Variants in PCCA observed in about 807,000 individuals in gnomAD.
The protein encoded by PCCA is propionyl-CoA carboxylase subunit alpha.
PCCA carries 74 observed loss-of-function variants against 101.3 expected under a neutral mutation model. That is an observed-to-expected ratio of 0.73 (90% CI 0.61 to 0.89). PCCA has a LOEUF of 0.89. PCCA is among the 40% of genes least tolerant of loss of function. The pLI is 0.00. For missense variants in PCCA, 891 were observed against 907.0 expected, an observed-to-expected ratio of 0.98 and a Z score of 0.23; for synonymous variants, 294 against 313.6, an observed-to-expected ratio of 0.94 and a Z score of 0.66.
chr13:100,342,599 G>A (rs2071548512), intron 18 of PCCA, among the ~76,000 whole-genome samples: 1 of 151,896 alleles, frequency 6.6e-6, no homozygotes, highest in South Asian at 2.1e-4. Flanking sequence ...AGGGATGCTT[G>A]TGTGTAACTC....
At chr13:100,143,174 T>C (rs941115652) in intron 4 of PCCA, among the ~76,000 whole-genome samples, 6 of 152,136 alleles carry the variant, frequency 3.9e-5, no homozygotes, top group Admixed American at 3.9e-4. Flanking sequence ...CTGGACCTAC[T>C]TAAGGAGTTG....
At chr13:100,306,443 C>T (rs74334353) in intron 14 of PCCA, among the ~76,000 whole-genome samples, 3,803 of 152,306 alleles carry the variant, frequency 0.025, 79 homozygotes, top group Non-Finnish European at 0.036. Flanking sequence ...TCAGTAACTG[C>T]TCATTTTTAA....
intron 6 of PCCA, among the ~76,000 whole-genome samples, chr13:100,185,828 G>GTAGAGA (rs1046732176): frequency 2.0e-5 from 3 of 151,908 alleles, no homozygotes; most frequent in African/African-American, 7.3e-5. Flanking sequence ...TGTATTTTTA[G>GTAGAGA]TAGAGATGGG....
intron 6 of PCCA, among the ~76,000 whole-genome samples, chr13:100,187,374 C>T (rs535870811): frequency 2.0e-5 from 3 of 152,144 alleles, no homozygotes; most frequent in East Asian, 1.9e-4. Context: ...TTGGGATCTG[C>T]GATAGGCTGG....
intron 6 of PCCA, among the ~76,000 whole-genome samples, chr13:100,196,504 C>A (rs193301057): frequency 3.3e-5 from 5 of 152,038 alleles, no homozygotes; most frequent in Admixed American, 1.3e-4. Flanking sequence ...AACTAAATAC[C>A]GTACATAGCT....
chr13:100,196,755 G>T (rs940415332), intron 6 of PCCA, among the ~76,000 whole-genome samples: 7 of 152,120 alleles, frequency 4.6e-5, no homozygotes, highest in Admixed American at 2.6e-4. Flanking sequence ...AATCGTGTGG[G>T]TTTATAAGTT....
intron 16 of PCCA, among the ~76,000 whole-genome samples, chr13:100,320,243 C>T (rs2067871199): frequency 6.6e-6 from 1 of 152,160 alleles, no homozygotes; most frequent in Admixed American, 6.5e-5. Flanking sequence ...ATAGGGTTTT[C>T]TAGATATACA....
In PCCA at chr13:100,331,179, A is replaced by G. The variant is rs137998663; in HGVS notation, c.1540+508A>G. ...ATGAGTGGAATGTGAAATTTAACAC[A>G]GCAAAGTTATCAGCAAGCATTTCCA... On this transcript the variant is annotated intron_variant, in intron 17 of 23. Transcript: ENST00000376285. 3.6e-3 allele frequency among the ~76,000 whole-genome samples: 546 copies of G among 152,336 alleles called. 5 individuals carry two copies. Among genetic ancestry groups the G allele is most frequent in the African/African-American group, 0.013 (527 of 41,586 alleles).
intron 1 of PCCA, among the ~76,000 whole-genome samples, chr13:100,091,730 A>G (rs758608225): frequency 2.6e-5 from 4 of 152,012 alleles, no homozygotes; most frequent in Non-Finnish European, 5.9e-5. Flanking sequence ...AACAGAGTTT[A>G]TTTATTTTTA....
At chr13:100,300,489 A>G (rs2065979888) in intron 12 of PCCA, among the ~76,000 whole-genome samples, 3 of 152,208 alleles carry the variant, frequency 2.0e-5, no homozygotes, top group South Asian at 4.1e-4. Context: ...GTCAGAGTGT[A>G]TGAAATATGA....
intron 6 of PCCA, among the ~76,000 whole-genome samples, chr13:100,193,556 A>G (rs2057884639): frequency 6.6e-6 from 1 of 152,176 alleles, no homozygotes. Flanking sequence ...GTAAATAAAT[A>G]TTGTAGTTTT....
chr13:100,303,144 A>G, intron 14 of PCCA, 146 bp downstream of exon 14: 1 of 709,890 alleles, frequency 1.4e-6, no homozygotes, highest in Non-Finnish European at 2.6e-6. Flanking sequence ...TTGAAAACAA[A>G]TTTTTTTCAG....
intron 2 of PCCA, among the ~76,000 whole-genome samples, chr13:100,110,250 G>C (rs1451190697): frequency 2.0e-5 from 3 of 152,050 alleles, no homozygotes; most frequent in Admixed American, 6.6e-5. Flanking sequence ...CTGTAGTTCC[G>C]TTGAACTTAA....
chr13:100,139,551 A>C (rs915962860), intron 4 of PCCA, among the ~76,000 whole-genome samples: 2 of 151,424 alleles, frequency 1.3e-5, no homozygotes, highest in Non-Finnish European at 2.9e-5. Context: ...TGATTATTGC[A>C]TATTTTAGTT....
intron 21 of PCCA, among the ~76,000 whole-genome samples, chr13:100,512,340 G>A (rs902335956): frequency 4.6e-5 from 7 of 152,088 alleles, no homozygotes; most frequent in Non-Finnish European, 1.0e-4. Context: ...CCCGGGTTCG[G>A]GTCACCTTTC....
intron 1 of PCCA, among the ~76,000 whole-genome samples, chr13:100,096,725 A>T (rs969666050): frequency 3.9e-5 from 6 of 152,202 alleles, no homozygotes; most frequent in Non-Finnish European, 5.9e-5. Context: ...TTTATTGCTG[A>T]TATGGCGAAA....
At chr13:100,098,211 A>G (rs1036135107) in intron 1 of PCCA, among the ~76,000 whole-genome samples, 1 of 152,206 alleles carries the variant, frequency 6.6e-6, no homozygotes, top group Admixed American at 6.5e-5. Flanking sequence ...CTCTTAAAAA[A>G]ACAAAAAAAG....
At chr13:100,343,807 G>C (rs980716045) in intron 18 of PCCA, among the ~76,000 whole-genome samples, 1 of 152,230 alleles carries the variant, frequency 6.6e-6, no homozygotes. Flanking sequence ...CAGGTGCAGT[G>C]GCTCATGCCT....
chr13:100,525,252 C>G (rs1018009339), intron 22 of PCCA, among the ~76,000 whole-genome samples: 1 of 152,180 alleles, frequency 6.6e-6, no homozygotes. Flanking sequence ...CGGACTCTCA[C>G]AATCAGACAG....
Sources: allele counts gnomAD v4.1 joint callset (sites outside exome capture counted in the v4.1 genomes callset), GRCh38; gene constraint gnomAD v4.1.1; transcripts MANE v1.5; gene names NCBI Gene and HGNC (gene_info 2026-07-23, HGNC 2026-07-21).